Variants in HMCN2 observed in about 807,000 individuals in gnomAD.
HMCN2 encodes the protein hemicentin-2.
Under a neutral mutation model 377.5 loss-of-function variants are expected in HMCN2, and 325 were observed. The observed-to-expected ratio is 0.86, with a 90% CI of 0.79 to 0.94. HMCN2 has a LOEUF of 0.94. Among genes scored for constraint, HMCN2 ranks in the 40% least tolerant of loss-of-function variants. HMCN2 has a pLI of 0.00. For missense variants in HMCN2, 4,543 were observed against 4,725.3 expected, an observed-to-expected ratio of 0.96 and a Z score of 1.13; for synonymous variants, 2,007 against 2,046.8, an observed-to-expected ratio of 0.98 and a Z score of 0.53.
At chr9:130,327,119 C>T (rs1838178512) in intron 21 of HMCN2, among the ~76,000 whole-genome samples, 191 bp from the exon 22 acceptor site, 1 of 152,026 alleles carries the variant, frequency 6.6e-6, no homozygotes, top group Non-Finnish European at 1.5e-5. Context: ...GAGTGAAAAC[C>T]CTGGGACCTG....
chr9:130,285,286 G>T lies in HMCN2; in HGVS notation c.459G>T (p.Leu153=), dbSNP rs1554927259. The T allele has an allele frequency of 2.1e-6, 1 of 471,184 alleles. No homozygotes were observed. The highest frequency in any genetic ancestry group is 6.9e-5 in the East Asian group (1 of 14,394). 29.2% of individuals were successfully genotyped at this position (471,184 alleles called of 1,614,324 possible). ...RAKDYHKKEE[L]LRLLQLKQSQ... is the part of the protein sequence containing the mutation. The stretch of plus-strand genomic sequence containing the variant: ...AAGACTATCACAAGAAGGAAGAGCT[G>T]CTGCGGCTCCTGCAGCTCAAGCAAT... The change falls in exon 3 of 98, where the codon CTG becomes CTT. Residue 153 remains leucine, a synonymous_variant. Transcript: ENST00000683500.
In HMCN2 at chr9:130,382,269, C is replaced by G. The variant is rs1308872575; in HGVS notation, c.8517C>G (p.Asp2839Glu). 3.0e-6 allele frequency: 3 copies of G among 985,864 alleles called. No homozygotes were observed. In the East Asian group the frequency reaches 3.4e-4, roughly 112 times the overall value. The allele number at this position is 985,864 out of a possible 1,614,324, so 61.1% of individuals were successfully genotyped here. The change falls in exon 55 of 98, where the codon GAC becomes GAG. Residue 2839 changes from aspartate to glutamate, a missense_variant. This residue lies in a region of HMCN2 where 736 missense variants were observed against 773.2 expected (regional missense o/e 0.95). Coordinates refer to ENST00000683500, the MANE Select transcript of HMCN2 (RefSeq NM_001291815.2). Reference protein sequence around the residue: ...SCKASNEVGEDWLHYELLVLT... With the variant: ...SCKASNEVGEEWLHYELLVLT... ...AGGCCTCCAACGAGGTGGGCGAGGACTGGCTGCACTACGAGCTGCTGGTGC... is the reference window on the plus strand; with the variant it reads ...AGGCCTCCAACGAGGTGGGCGAGGAGTGGCTGCACTACGAGCTGCTGGTGC...
At chr9:130,391,756 G>C (rs1219223295) in intron 65 of HMCN2, among the ~76,000 whole-genome samples, 179 bp from the exon 66 acceptor site, 2 of 152,188 alleles carry the variant, frequency 1.3e-5, no homozygotes, top group Non-Finnish European at 2.9e-5. Flanking sequence ...GATTCGGGAG[G>C]TGAGAAGAGA....
chr9:130,405,418 G>A (rs1324379816), intron 81 of HMCN2, among the ~76,000 whole-genome samples: 1 of 152,204 alleles, frequency 6.6e-6, no homozygotes, highest in Non-Finnish European at 1.5e-5. Context: ...TTGAGCCAGG[G>A]GTATGGGTGG....
chr9:130,398,867 C>T (rs1420079985), intron 75 of HMCN2, among the ~76,000 whole-genome samples, 160 bp downstream of exon 75: 1 of 152,172 alleles, frequency 6.6e-6, no homozygotes, highest in Admixed American at 6.5e-5. Flanking sequence ...AGAGAGTCTT[C>T]ACACTGAGAT....
At chr9:130,266,257 C>A in intron 1 of HMCN2, 120 bp downstream of exon 1, 1 of 356,968 alleles carries the variant, frequency 2.8e-6, no homozygotes, top group Non-Finnish European at 5.5e-6. Context: ...GCTTGGCGGG[C>A]GCGCCTTCTC....
intron 14 of HMCN2, among the ~76,000 whole-genome samples, chr9:130,307,828 C>G (rs1424216218): frequency 2.6e-5 from 4 of 152,212 alleles, no homozygotes; most frequent in Admixed American, 2.6e-4. Context: ...CTGGGTGACC[C>G]TGGGCACGTG....
intron 22 of HMCN2, 41 bp downstream of exon 22, chr9:130,327,516 C>T (rs1838205415): frequency 6.6e-6 from 1 of 152,316 alleles, no homozygotes; most frequent in Admixed American, 6.5e-5. Flanking sequence ...GAGCTTAGGG[C>T]TGGAGGGAAA....
intron 84 of HMCN2, among the ~76,000 whole-genome samples, chr9:130,409,278 G>A (rs1033062704): frequency 1.3e-5 from 2 of 152,210 alleles, no homozygotes; most frequent in Non-Finnish European, 2.9e-5. Flanking sequence ...AGGGTAGGCA[G>A]GTAATAGTGC....
intron 1 of HMCN2, among the ~76,000 whole-genome samples, chr9:130,280,397 C>G: frequency 6.6e-6 from 1 of 150,926 alleles, no homozygotes; most frequent in East Asian, 2.0e-4. Flanking sequence ...TGGTCTCGAT[C>G]TCCTGACCTT....
At chr9:130,289,971 A>G (rs919855844) in intron 4 of HMCN2, among the ~76,000 whole-genome samples, 1 of 152,140 alleles carries the variant, frequency 6.6e-6, no homozygotes, top group African/African-American at 2.4e-5. Flanking sequence ...ATGTTCTGGG[A>G]GGATCCTCGG....
At chr9:130,283,102 G>A (rs1835217203) in intron 1 of HMCN2, among the ~76,000 whole-genome samples, 1 of 151,682 alleles carries the variant, frequency 6.6e-6, no homozygotes, top group African/African-American at 2.4e-5. Context: ...AAATACATAG[G>A]GTGCACTGAG....
intron 14 of HMCN2, 99 bp from the exon 15 acceptor site, chr9:130,309,813 T>G: frequency 2.8e-6 from 1 of 351,276 alleles, no homozygotes; most frequent in Non-Finnish European, 5.9e-6. Flanking sequence ...GGCCCCAACC[T>G]TGTGCAGCCG....
intron 46 of HMCN2, among the ~76,000 whole-genome samples, chr9:130,372,066 A>C (rs10901213): frequency 0.11 from 16,440 of 152,244 alleles, 985 homozygotes; most frequent in Middle Eastern, 0.15. Context: ...TTCTTGCTAG[A>C]GCAGGGTCCT....
intron 32 of HMCN2, 111 bp downstream of exon 32, chr9:130,355,155 T>C (rs1839959112): frequency 1.1e-6 from 1 of 892,512 alleles, no homozygotes; most frequent in African/African-American, 1.8e-5. Flanking sequence ...TGGGGAGAAG[T>C]AACCAGTGTC....
intron 31 of HMCN2, 23 bp downstream of exon 31, chr9:130,353,228 A>G (rs1340713847): frequency 2.3e-6 from 3 of 1,299,512 alleles, no homozygotes; most frequent in Non-Finnish European, 3.0e-6. Flanking sequence ...GGGCCACGGC[A>G]GCCGGGGTGG....
intron 48 of HMCN2, among the ~76,000 whole-genome samples, chr9:130,373,613 ATGG>A: frequency 2.5e-5 from 2 of 80,462 alleles, no homozygotes; most frequent in African/African-American, 7.1e-5. Context: ...GGGTGGATGG[ATGG>A]ATGGATGGAT....
At chr9:130,420,323 C>G (rs1843932135) in intron 86 of HMCN2, among the ~76,000 whole-genome samples, 2 of 152,016 alleles carry the variant, frequency 1.3e-5, no homozygotes, top group Non-Finnish European at 2.9e-5. Context: ...ATCCGCCCAT[C>G]TCGGCCTCCC....
chr9:130,383,002 C>A, intron 56 of HMCN2, 136 bp downstream of exon 56: 2 of 454,910 alleles, frequency 4.4e-6, no homozygotes, highest in Non-Finnish European at 2.9e-6. Context: ...AGCCAAGAAT[C>A]ACCTGTGAGG....
Sources: allele counts gnomAD v4.1 joint callset (sites outside exome capture counted in the v4.1 genomes callset), GRCh38; gene constraint gnomAD v4.1.1; regional missense constraint gnomAD v4.1.1; transcripts MANE v1.5; gene names NCBI Gene and HGNC (gene_info 2026-07-23, HGNC 2026-07-21).